SLC35D4: variants seen among roughly 807,000 people sequenced by gnomAD.
The protein encoded by SLC35D4 is solute carrier family 35 member D4.
the SLC35D4 span, among the ~76,000 whole-genome samples, chr18:23,327,469 G>A: frequency 6.6e-6 from 1 of 151,524 alleles, no homozygotes; most frequent in South Asian, 2.1e-4. Context: ...ATAAATTCCT[G>A]GACACATACA....
chr18:23,242,393 C>T, the SLC35D4 span, among the ~76,000 whole-genome samples: 5 of 152,308 alleles, frequency 3.3e-5, no homozygotes, highest in South Asian at 1.0e-3. Flanking sequence ...CACCTGGCTA[C>T]GTGCAGACTC....
the SLC35D4 span, among the ~76,000 whole-genome samples, chr18:23,246,070 A>T: frequency 6.6e-6 from 1 of 152,144 alleles, no homozygotes; most frequent in Non-Finnish European, 1.5e-5. Flanking sequence ...GATCGAGACC[A>T]TCCTGGCCAA....
At chr18:23,430,815 C>T in the SLC35D4 span, 1 of 768,920 alleles carries the variant, frequency 1.3e-6, no homozygotes, top group Non-Finnish European at 2.0e-6. Context: ...ATTATTCCCA[C>T]CAAAATCACA....
At chr18:23,320,072 CAAAAG>C in the SLC35D4 span, among the ~76,000 whole-genome samples, 3 of 9,128 alleles carry the variant, frequency 3.3e-4, no homozygotes, top group Non-Finnish European at 5.6e-4. Flanking sequence ...TCTCAGCCAG[CAAAAG>C]CATCCCTTCA....
the SLC35D4 span, among the ~76,000 whole-genome samples, chr18:23,299,790 C>T: frequency 6.6e-6 from 1 of 152,122 alleles, no homozygotes; most frequent in African/African-American, 2.4e-5. Flanking sequence ...GAGGATGTCC[C>T]CCACTTGGTT....
At chr18:23,377,771 G>T in the SLC35D4 span, 1 of 1,058,128 alleles carries the variant, frequency 9.5e-7, no homozygotes, top group Non-Finnish European at 1.3e-6. Context: ...ATTATGAGTA[G>T]ATTTATCAAG....
chr18:23,298,139 A>G, the SLC35D4 span: 1 of 1,562,948 alleles, frequency 6.4e-7, no homozygotes, highest in South Asian at 1.1e-5. Context: ...CCACATACGC[A>G]GGGCAAGGGG....
At chr18:23,412,732 C>A in the SLC35D4 span, among the ~76,000 whole-genome samples, 1 of 152,222 alleles carries the variant, frequency 6.6e-6, no homozygotes, top group Non-Finnish European at 1.5e-5. Context: ...CCAAACCCCA[C>A]CTGCTGCCTG....
chr18:23,365,669 C>A, the SLC35D4 span: 1 of 1,613,528 alleles, frequency 6.2e-7, no homozygotes, highest in Non-Finnish European at 8.5e-7. Context: ...GAGCACCACA[C>A]TGGAAAAGAG....
At chr18:23,421,359 G>C in the SLC35D4 span, 9 of 1,612,796 alleles carry the variant, frequency 5.6e-6, no homozygotes, top group Non-Finnish European at 7.6e-6. Context: ...AGCATAGAGA[G>C]GTTATACCTT....
At chr18:23,281,643 A>T in the SLC35D4 span, among the ~76,000 whole-genome samples, 2 of 152,128 alleles carry the variant, frequency 1.3e-5, no homozygotes, top group Non-Finnish European at 2.9e-5. Flanking sequence ...GTTATTTTTT[A>T]AAAATCTCTG....
chr18:23,246,539 C>A, the SLC35D4 span, among the ~76,000 whole-genome samples: 3 of 151,728 alleles, frequency 2.0e-5, no homozygotes, highest in Non-Finnish European at 4.4e-5. Context: ...CTACAGGCAC[C>A]CGCCACCACA....
chr18:23,415,961 A>C, the SLC35D4 span, among the ~76,000 whole-genome samples: 3 of 152,134 alleles, frequency 2.0e-5, no homozygotes, highest in Non-Finnish European at 2.9e-5. Flanking sequence ...TAATCCCAGC[A>C]CTTTGGGAGG....
the SLC35D4 span, among the ~76,000 whole-genome samples, chr18:23,312,330 C>A: frequency 6.6e-6 from 1 of 152,150 alleles, no homozygotes; most frequent in Non-Finnish European, 1.5e-5. Flanking sequence ...CCAAAAAAAA[C>A]ACATCTTAAA....
chr18:23,247,370 T>C, the SLC35D4 span, among the ~76,000 whole-genome samples: 1 of 152,194 alleles, frequency 6.6e-6, no homozygotes, highest in South Asian at 2.1e-4. Context: ...GAGTGATCCG[T>C]CCAGTTTCCA....
At chr18:23,243,786 C>T in the SLC35D4 span, among the ~76,000 whole-genome samples, 1 of 150,918 alleles carries the variant, frequency 6.6e-6, no homozygotes, top group African/African-American at 2.4e-5. Context: ...GCAGGAGAAT[C>T]GCTTGAACCC....
At chr18:23,399,790 TA>T in the SLC35D4 span, 1 of 726,466 alleles carries the variant, frequency 1.4e-6, no homozygotes, top group South Asian at 1.7e-5. Flanking sequence ...AAGTGAGATG[TA>T]GTCTTTATCG....
At chr18:23,399,101 A>G in the SLC35D4 span, among the ~76,000 whole-genome samples, 1 of 152,234 alleles carries the variant, frequency 6.6e-6, no homozygotes, top group East Asian at 1.9e-4. Context: ...AGCTTGTTTT[A>G]CTAGCTTCCC....
chr18:23,408,199 C>T, the SLC35D4 span, among the ~76,000 whole-genome samples: 64 of 151,730 alleles, frequency 4.2e-4, no homozygotes, highest in Non-Finnish European at 8.2e-4. Context: ...TCTTACCTGG[C>T]TATATTCTCC....
Sources: gnomAD v4.1 joint callset for allele counts (sites outside exome capture counted in the v4.1 genomes callset) on GRCh38, gnomAD v4.1.1 for gene constraint, MANE v1.5 for transcripts, NCBI Gene and HGNC (gene_info 2026-07-23, HGNC 2026-07-21) for gene names.